The following PDE11A variants were observed in gnomAD, a reference collection of about 807,000 sequenced individuals.
PDE11A encodes the protein phosphodiesterase 11A.
Under a neutral mutation model 100.5 loss-of-function variants are expected in PDE11A, and 100 were observed. That is an observed-to-expected ratio of 1.00 (90% CI 0.85 to 1.18). The LOEUF is 1.18. Among genes scored for constraint, PDE11A ranks in the 50% most tolerant of loss-of-function variants. PDE11A has a pLI of 0.00. For synonymous variants in PDE11A, 381 were observed against 420.8 expected (o/e 0.91, Z 1.16); for missense variants, 1,141 against 1,152.6 (o/e 0.99, Z 0.15).
chr2:177,892,559 C>G (rs1203797741), intron 4 of PDE11A, among the ~76,000 whole-genome samples: 1 of 152,250 alleles, frequency 6.6e-6, no homozygotes, highest in African/African-American at 2.4e-5. Flanking sequence ...AGAGATTACT[C>G]CAGTTAAACT....
At chr2:177,642,070 T>C (rs1559122644) in intron 19 of PDE11A, among the ~76,000 whole-genome samples, 1 of 152,324 alleles carries the variant, frequency 6.6e-6, no homozygotes, top group East Asian at 1.9e-4. Context: ...CTACCATATG[T>C]GTAATGCTGG....
intron 19 of PDE11A, among the ~76,000 whole-genome samples, chr2:177,639,389 T>G (rs1406113071): frequency 6.6e-6 from 1 of 152,164 alleles, no homozygotes; most frequent in Non-Finnish European, 1.5e-5. Flanking sequence ...AGAGAGACAG[T>G]GGAAACAAGG....
intron 9 of PDE11A, among the ~76,000 whole-genome samples, chr2:177,785,955 G>C (rs1322395457): frequency 3.9e-5 from 6 of 152,222 alleles, no homozygotes; most frequent in Non-Finnish European, 8.8e-5. Context: ...ACTTCTGGGG[G>C]CAGGGCACAG....
chr2:177,865,104 C>A (rs1354005301), intron 5 of PDE11A, among the ~76,000 whole-genome samples: 1 of 152,132 alleles, frequency 6.6e-6, no homozygotes, highest in Non-Finnish European at 1.5e-5. Flanking sequence ...CATGGCAAAA[C>A]CCAATCTCTA....
chr2:177,746,235 T>G (rs544427991), intron 10 of PDE11A, among the ~76,000 whole-genome samples: 1 of 152,318 alleles, frequency 6.6e-6, no homozygotes, highest in South Asian at 2.1e-4. Flanking sequence ...AGATGGTTCT[T>G]GTTGAGATCT....
At position 177,898,085 on chromosome 2, in the gene PDE11A, A is replaced by C. The variant is rs761297317; in HGVS notation, c.1275T>G (p.Val425=). ...GTGATTCGATGTCCTCTAGGAGTAA[A>C]ACAGAACAGCGTTCACATTTCAGCA... is the stretch of plus-strand genomic sequence containing the variant. ...QTLLKCERCS[V]LLLEDIESPV... The change falls in exon 4 of 20, where the codon GTT becomes GTG. Residue 425 remains valine (V), a synonymous_variant. Transcript: ENST00000286063. 112 of 1,612,920 alleles carry C rather than the reference A, an allele frequency of 6.9e-5. 1 individual carries two copies. Among genetic ancestry groups the C allele is most frequent in the South Asian group, 5.2e-4 (47 of 91,048 alleles).
chr2:177,769,118 T>C (rs2082276659), intron 10 of PDE11A, among the ~76,000 whole-genome samples: 3 of 152,210 alleles, frequency 2.0e-5, no homozygotes, highest in African/African-American at 4.8e-5. Flanking sequence ...TACTGAATCA[T>C]GTACATGATT....
At chr2:177,872,764 T>C (rs2084160905) in intron 5 of PDE11A, among the ~76,000 whole-genome samples, 1 of 152,146 alleles carries the variant, frequency 6.6e-6, no homozygotes, top group Non-Finnish European at 1.5e-5. Context: ...GATCAAGCTG[T>C]GATTTTTAGA....
At chr2:177,915,196 T>C (rs1286942964) in intron 2 of PDE11A, among the ~76,000 whole-genome samples, 1 of 152,190 alleles carries the variant, frequency 6.6e-6, no homozygotes, top group Non-Finnish European at 1.5e-5. Flanking sequence ...ACCGACACAT[T>C]ATTAACTAAA....
chr2:177,998,663 T>C, intron 2 of PDE11A: 4 of 1,233,382 alleles, frequency 3.2e-6, no homozygotes, highest in Non-Finnish European at 4.8e-6. Flanking sequence ...TAGTACCACC[T>C]TTCACACCAT....
At chr2:178,093,532 CA>C (rs2087449809) in intron 2 of PDE11A, among the ~76,000 whole-genome samples, 1 of 152,060 alleles carries the variant, frequency 6.6e-6, no homozygotes, top group Non-Finnish European at 1.5e-5. Flanking sequence ...TAAAACCAGT[CA>C]AAAAGAACAT....
At chr2:177,632,928 A>AGTTTTATACAGATCTGGACT (rs2079976016) in intron 19 of PDE11A, among the ~76,000 whole-genome samples, 1 of 152,210 alleles carries the variant, frequency 6.6e-6, no homozygotes, top group South Asian at 2.1e-4. Flanking sequence ...CTGGACTGCC[A>AGTTTTATACAGATCTGGACT]GCCAGCCAGT....
intron 1 of PDE11A, among the ~76,000 whole-genome samples, chr2:178,105,163 T>C (rs1210245627): frequency 2.0e-5 from 3 of 152,124 alleles, no homozygotes; most frequent in Non-Finnish European, 4.4e-5. Flanking sequence ...CAGTTTTAAG[T>C]AGTAAAGACC....
At chr2:177,980,282 T>C (rs2085865146) in intron 2 of PDE11A, among the ~76,000 whole-genome samples, 1 of 150,986 alleles carries the variant, frequency 6.6e-6, no homozygotes, top group African/African-American at 2.4e-5. Flanking sequence ...TTAGCTTTTA[T>C]ATCCTATGAC....
intron 15 of PDE11A, among the ~76,000 whole-genome samples, chr2:177,694,835 G>A (rs1215643219): frequency 6.6e-6 from 1 of 152,030 alleles, no homozygotes; most frequent in East Asian, 1.9e-4. Flanking sequence ...TGGCTATCAT[G>A]TTCTTAATTT....
intron 6 of PDE11A, among the ~76,000 whole-genome samples, chr2:177,836,101 T>G (rs1352452506): frequency 6.6e-6 from 1 of 152,234 alleles, no homozygotes; most frequent in Non-Finnish European, 1.5e-5. Flanking sequence ...GTGGCCCCAG[T>G]GCGGGATCCA....
At position 177,629,121 on chromosome 2, in the gene PDE11A, G is replaced by T; in HGVS notation, c.*286C>A. On this transcript the variant is annotated 3_prime_UTR_variant, in exon 20 of 20. Transcript: ENST00000286063. The stretch of plus-strand genomic sequence containing the variant: ...GTAGGCCGACTGTCCACAGGTCCTT[G>T]GATCCAAAACAGTCCCCTACCCAGA... 2.2e-6 allele frequency: 1 copy of T among 464,660 alleles called. No homozygotes were observed. The highest frequency in any genetic ancestry group is 4.0e-6 in the Non-Finnish European group (1 of 252,130). The allele number at this position is 464,660 out of a possible 1,614,324, so 28.8% of individuals were successfully genotyped here.
At chr2:177,631,333 G>A (rs1393916540) in intron 19 of PDE11A, among the ~76,000 whole-genome samples, 13 of 140,768 alleles carry the variant, frequency 9.2e-5, no homozygotes, top group Non-Finnish European at 1.5e-4. Flanking sequence ...CAACCTAGGC[G>A]TGGTGGCACA....
intron 2 of PDE11A, among the ~76,000 whole-genome samples, chr2:177,926,684 T>C (rs2085128764): frequency 6.6e-6 from 1 of 152,254 alleles, no homozygotes; most frequent in South Asian, 2.1e-4. Flanking sequence ...TAGCTATTTA[T>C]TGATTTTGCT....
Sources: gnomAD v4.1 joint callset for allele counts (sites outside exome capture counted in the v4.1 genomes callset) on GRCh38, gnomAD v4.1.1 for gene constraint, MANE v1.5 for transcripts, NCBI Gene and HGNC (gene_info 2026-07-23, HGNC 2026-07-21) for gene names.